CACHD1: variants seen among roughly 807,000 people sequenced by gnomAD.
The protein encoded by CACHD1 is VWFA and cache domain-containing protein 1.
In CACHD1, 71 loss-of-function variants were observed where a neutral mutation model predicts 138.7. That is an observed-to-expected ratio of 0.51 (90% CI 0.42 to 0.62). The LOEUF (loss-of-function observed/expected upper bound fraction) is 0.62, where lower values mean the gene tolerates loss of function less well. Among genes scored for constraint, CACHD1 ranks in the 20% least tolerant of loss-of-function variants. The pLI is 0.00. For synonymous variants in CACHD1, 578 were observed against 591.5 expected (o/e 0.98, Z 0.33); for missense variants, 1,389 against 1,625.3 (o/e 0.85, Z 2.50).
At chr1:64,685,049 T>TC (rs1650321914) in intron 26 of CACHD1, among the ~76,000 whole-genome samples, 1 of 152,142 alleles carries the variant, frequency 6.6e-6, no homozygotes, top group South Asian at 2.1e-4. Context: ...CCTCAGGTGA[T>TC]CCGCCCACCC....
At chr1:64,525,577 T>G (rs1418450841) in intron 1 of CACHD1, among the ~76,000 whole-genome samples, 1 of 152,204 alleles carries the variant, frequency 6.6e-6, no homozygotes, top group African/African-American at 2.4e-5. Context: ...TAGAATTATT[T>G]CTCATGTTCA....
chr1:64,667,046 T>C (rs568014689), intron 16 of CACHD1, among the ~76,000 whole-genome samples: 1 of 152,276 alleles, frequency 6.6e-6, no homozygotes, highest in East Asian at 1.9e-4. Context: ...CAGAATGCTA[T>C]ATCAATATCA....
intron 2 of CACHD1, among the ~76,000 whole-genome samples, chr1:64,553,960 G>T (rs187605120): frequency 6.6e-6 from 1 of 152,226 alleles, no homozygotes; most frequent in East Asian, 1.9e-4. Flanking sequence ...TTCCATTTCT[G>T]TGGTATTCCA....
At position 64,692,067 on chromosome 1, in the gene CACHD1, G is replaced by A. The variant is rs1650581124; in HGVS notation, c.*506G>A. The A allele has an allele frequency of 1.3e-5, 2 of 155,136 alleles. No individual in the cohort carries two copies. Among genetic ancestry groups the A allele is most frequent in the South Asian group, 2.0e-4 (1 of 5,024 alleles). The allele number at this position is 155,136 out of a possible 1,614,324, so 9.6% of individuals were successfully genotyped here. On this transcript the variant is annotated 3_prime_UTR_variant, in exon 27 of 27. Coordinates refer to ENST00000651257, the MANE Select transcript of CACHD1 (RefSeq NM_020925.4). Reference sequence around the variant, plus strand: ...ATGGAACTCATGTTATGCTCTAAACGATGCATCTCAGAATTTCTAAGTAAA... The same window carrying A: ...ATGGAACTCATGTTATGCTCTAAACAATGCATCTCAGAATTTCTAAGTAAA...
intron 4 of CACHD1, among the ~76,000 whole-genome samples, chr1:64,625,454 C>T (rs1184781795): frequency 6.6e-6 from 1 of 152,010 alleles, no homozygotes; most frequent in Non-Finnish European, 1.5e-5. Flanking sequence ...TGGTGAAACC[C>T]CATCTCTACT....
intron 26 of CACHD1, among the ~76,000 whole-genome samples, chr1:64,685,171 G>T (rs1650326508): frequency 6.6e-6 from 1 of 152,118 alleles, no homozygotes; most frequent in South Asian, 2.1e-4. Flanking sequence ...TCTATGTTTA[G>T]ATATATAAAT....
chr1:64,662,310 T>TCAAA (rs1438397416), intron 13 of CACHD1, among the ~76,000 whole-genome samples: 1 of 152,164 alleles, frequency 6.6e-6, no homozygotes, highest in African/African-American at 2.4e-5. Context: ...TTGGGGAACT[T>TCAAA]CAAGCATTAG....
chr1:64,686,907 A>G (rs1000465549), intron 26 of CACHD1, among the ~76,000 whole-genome samples: 1 of 152,188 alleles, frequency 6.6e-6, no homozygotes, highest in Non-Finnish European at 1.5e-5. Context: ...ATTCTCCTGC[A>G]GTTACTCTCT....
chr1:64,600,889 A>G (rs1212170960), intron 3 of CACHD1, among the ~76,000 whole-genome samples: 3 of 152,226 alleles, frequency 2.0e-5, no homozygotes, highest in Admixed American at 2.0e-4. Flanking sequence ...CCAATATGGT[A>G]GCCACTCTTC....
chr1:64,643,801 G>A (rs1260425650), intron 8 of CACHD1, among the ~76,000 whole-genome samples: 8 of 152,218 alleles, frequency 5.3e-5, no homozygotes. Flanking sequence ...TTGCACCACT[G>A]CACTCCAGCC....
intron 3 of CACHD1, among the ~76,000 whole-genome samples, chr1:64,585,161 G>A (rs117267471): frequency 1.3e-5 from 2 of 152,288 alleles, no homozygotes; most frequent in East Asian, 1.9e-4. Context: ...ATGCAGCCAT[G>A]CTGTTGAAGC....
At chr1:64,652,923 C>T (rs1019837084) in intron 10 of CACHD1, among the ~76,000 whole-genome samples, 2 of 152,110 alleles carry the variant, frequency 1.3e-5, no homozygotes. Flanking sequence ...GAATGTCAAT[C>T]GTTCTCTCAT....
chr1:64,559,194 G>A (rs1646820499), intron 2 of CACHD1, among the ~76,000 whole-genome samples: 2 of 152,312 alleles, frequency 1.3e-5, no homozygotes, highest in Admixed American at 6.5e-5. Flanking sequence ...ACACATGTGT[G>A]CGAATGTTCA....
At chr1:64,629,003 T>TA (rs1238661526) in intron 4 of CACHD1, among the ~76,000 whole-genome samples, 1 of 152,200 alleles carries the variant, frequency 6.6e-6, no homozygotes, top group Non-Finnish European at 1.5e-5. Flanking sequence ...TTTCTACAGT[T>TA]ACAGACTGTA....
rs191025731 is a variant in CACHD1 at position 64,557,036 on chromosome 1, G to A, written c.261+6380G>A. 3.5e-3 allele frequency among the ~76,000 whole-genome samples: 526 copies of A among 152,012 alleles called. 2 individuals are homozygous for A. Among genetic ancestry groups the A allele is most frequent in the South Asian group, 7.1e-3 (34 of 4,818 alleles). On this transcript the variant is annotated intron_variant, in intron 2 of 26. Coordinates refer to ENST00000651257, the MANE Select transcript of CACHD1 (RefSeq NM_020925.4). ...TGGGAGGCTGAGGCAGGAGAATGGC[G>A]CGTGAGCCCGGGAGGCGGAGCTTGC...
At chr1:64,642,826 CGAGGTCAA>C (rs1648763250) in intron 8 of CACHD1, among the ~76,000 whole-genome samples, 1 of 136,566 alleles carries the variant, frequency 7.3e-6, no homozygotes, top group Admixed American at 7.2e-5. Context: ...GGGCTGATCA[CGAGGTCAA>C]GAGATCAAGA....
chr1:64,620,720 A>G (rs1014577767), intron 4 of CACHD1, among the ~76,000 whole-genome samples: 4 of 152,206 alleles, frequency 2.6e-5, no homozygotes, highest in Non-Finnish European at 4.4e-5. Context: ...ATCTTTCTCA[A>G]TGCATTAATA....
rs1229064146 is a variant in CACHD1 at position 64,634,233 on chromosome 1, A to G, written c.979A>G (p.Thr327Ala). The part of the protein sequence containing the change: ...FQKAFQLIRS[T>A]NNNTKFQANT... ...AAAGGCATTTCAGCTGATTCGAAGTACAAACAATAACACAAAGTTCCAAGC... is the reference window on the plus strand; with the variant it reads ...AAAGGCATTTCAGCTGATTCGAAGTGCAAACAATAACACAAAGTTCCAAGC... Residue 327 changes from threonine to alanine, a missense_variant, in exon 7 of 27, where the codon ACA (threonine) becomes GCA (alanine). Coordinates refer to ENST00000651257, the MANE Select transcript of CACHD1 (RefSeq NM_020925.4). 5.6e-6 allele frequency: 9 copies of G among 1,613,924 alleles called. No homozygotes were observed. The highest frequency in any genetic ancestry group is 7.6e-6 in the Non-Finnish European group (9 of 1,179,972).
At chr1:64,583,231 T>G (rs1647025810) in intron 3 of CACHD1, among the ~76,000 whole-genome samples, 1 of 152,186 alleles carries the variant, frequency 6.6e-6, no homozygotes, top group African/African-American at 2.4e-5. Flanking sequence ...CATCCTCAAG[T>G]CATTTTATTT....
Sources: gnomAD v4.1 joint callset for allele counts (sites outside exome capture counted in the v4.1 genomes callset) on GRCh38, gnomAD v4.1.1 for gene constraint, MANE v1.5 for transcripts, NCBI Gene and HGNC (gene_info 2026-07-23, HGNC 2026-07-21) for gene names.